NRXN3: variants seen among roughly 807,000 people sequenced by gnomAD.
The protein encoded by NRXN3 is neurexin III.
Under a neutral mutation model 137.6 loss-of-function variants are expected in NRXN3, and 32 were observed. The ratio of observed to expected loss-of-function variants is 0.23; its 90% CI spans 0.18 to 0.31. NRXN3 has a LOEUF of 0.31. Ranked by LOEUF, NRXN3 falls within the 10% of genes least tolerant of loss-of-function variation. The probability of loss-of-function intolerance (pLI) is 1.00; values close to 1 mark genes in which losing one functional copy is unlikely to be tolerated. For synonymous variants in NRXN3, 798 were observed against 784.5 expected, an observed-to-expected ratio of 1.02 and a Z score of -0.29; for missense variants, 1,574 against 2,062.5, an observed-to-expected ratio of 0.76 and a Z score of 4.59.
At chr14:79,440,910 A>T (rs2153568762) in intron 15 of NRXN3, among the ~76,000 whole-genome samples, 1 of 152,326 alleles carries the variant, frequency 6.6e-6, no homozygotes, top group Admixed American at 6.5e-5. Context: ...ATAGGTTGCT[A>T]GATCCATATG....
chr14:78,747,172 C>T (rs74066430), intron 8 of NRXN3, among the ~76,000 whole-genome samples: 6,770 of 152,228 alleles, frequency 0.044, 357 homozygotes, highest in African/African-American at 0.13. Context: ...TCTGCCACAC[C>T]TCTCTGGCCA....
At chr14:78,312,729 G>T (rs1220262640) in intron 4 of NRXN3, among the ~76,000 whole-genome samples, 2 of 152,120 alleles carry the variant, frequency 1.3e-5, no homozygotes, top group Non-Finnish European at 2.9e-5. Context: ...CTTGGGGGAT[G>T]TTGATGGGTG....
chr14:78,940,336 A>C (rs1035947704), intron 10 of NRXN3, among the ~76,000 whole-genome samples: 5 of 152,170 alleles, frequency 3.3e-5, no homozygotes, highest in Non-Finnish European at 7.3e-5. Context: ...ACTCAGACCC[A>C]AATGTGCATG....
intron 6 of NRXN3, among the ~76,000 whole-genome samples, chr14:78,704,674 C>G (rs1284860329): frequency 6.6e-6 from 1 of 152,098 alleles, no homozygotes; most frequent in Non-Finnish European, 1.5e-5. Context: ...CCAGTGCAGT[C>G]AGAGAGATAA....
At chr14:78,951,374 C>G (rs2099386777) in intron 10 of NRXN3, among the ~76,000 whole-genome samples, 1 of 152,088 alleles carries the variant, frequency 6.6e-6, no homozygotes, top group South Asian at 2.1e-4. Flanking sequence ...ATGATTGGCT[C>G]CTTCCTAAAT....
At chr14:78,589,075 T>G (rs1728086026) in intron 4 of NRXN3, among the ~76,000 whole-genome samples, 1 of 152,198 alleles carries the variant, frequency 6.6e-6, no homozygotes, top group African/African-American at 2.4e-5. Context: ...GCCAAGTGTT[T>G]AGACAACATG....
intron 8 of NRXN3, among the ~76,000 whole-genome samples, chr14:78,757,088 G>A (rs117745062): frequency 6.6e-6 from 1 of 152,052 alleles, no homozygotes; most frequent in African/African-American, 2.4e-5. Flanking sequence ...AAGACTGATG[G>A]TTCAGATTTT....
At chr14:78,357,569 T>C (rs1028989960) in intron 4 of NRXN3, among the ~76,000 whole-genome samples, 3 of 152,170 alleles carry the variant, frequency 2.0e-5, no homozygotes, top group Non-Finnish European at 1.5e-5. Flanking sequence ...AAGTTGGACG[T>C]TTTTTCTAAA....
At chr14:78,293,528 T>C (rs1343657814) in intron 3 of NRXN3, among the ~76,000 whole-genome samples, 2 of 152,188 alleles carry the variant, frequency 1.3e-5, no homozygotes, top group African/African-American at 4.8e-5. Flanking sequence ...CTAAAGGATC[T>C]CATCCATCAC....
chr14:78,306,178 G>T (rs2077352748), intron 4 of NRXN3, among the ~76,000 whole-genome samples: 2 of 152,074 alleles, frequency 1.3e-5, no homozygotes, highest in Admixed American at 6.6e-5. Flanking sequence ...ATACATAAAA[G>T]AAATTATTTC....
At chr14:79,548,057 C>G (rs1230320611) in intron 16 of NRXN3, among the ~76,000 whole-genome samples, 1 of 151,762 alleles carries the variant, frequency 6.6e-6, no homozygotes, top group Non-Finnish European at 1.5e-5. Flanking sequence ...TATTATTATA[C>G]TTTAAGTTCT....
intron 19 of NRXN3, among the ~76,000 whole-genome samples, chr14:79,802,378 TA>T (rs773384823): frequency 1.1e-4 from 17 of 152,168 alleles, no homozygotes; most frequent in Non-Finnish European, 2.5e-4. Context: ...GCCTCTTTAT[TA>T]CCACCATCCT....
chr14:78,591,266 T>C (rs567242596), intron 4 of NRXN3, among the ~76,000 whole-genome samples: 13 of 152,320 alleles, frequency 8.5e-5, no homozygotes, highest in African/African-American at 3.1e-4. Flanking sequence ...GGTAGAGCAA[T>C]GCTCCTTCAA....
chr14:79,103,098 A>T (rs933439761), intron 15 of NRXN3, among the ~76,000 whole-genome samples: 1 of 152,188 alleles, frequency 6.6e-6, no homozygotes, highest in East Asian at 1.9e-4. Flanking sequence ...ATAAGTCCCA[A>T]GCCCCTGTTC....
At chr14:78,507,830 A>T (rs1306561831) in intron 4 of NRXN3, among the ~76,000 whole-genome samples, 2 of 152,136 alleles carry the variant, frequency 1.3e-5, no homozygotes, top group Non-Finnish European at 2.9e-5. Context: ...AGTTTCTCTG[A>T]GTTGTTACAA....
intron 4 of NRXN3, among the ~76,000 whole-genome samples, chr14:78,565,749 C>T (rs2096830345): frequency 6.6e-6 from 1 of 152,162 alleles, no homozygotes; most frequent in African/African-American, 2.4e-5. Flanking sequence ...CTGCATGTAG[C>T]CCTGCACTAT....
intron 4 of NRXN3, among the ~76,000 whole-genome samples, chr14:78,594,050 A>G (rs2097139447): frequency 6.6e-6 from 1 of 152,128 alleles, no homozygotes; most frequent in South Asian, 2.1e-4. Flanking sequence ...TGCCCTCGGC[A>G]CGCAACAAGC....
intron 17 of NRXN3, among the ~76,000 whole-genome samples, chr14:79,679,950 G>T (rs931849720): frequency 1.3e-5 from 2 of 152,134 alleles, no homozygotes; most frequent in Admixed American, 1.3e-4. Flanking sequence ...GCATTTAGCA[G>T]TGCTAGTTGT....
chr14:79,011,824 G>T (rs1218375496), intron 15 of NRXN3, among the ~76,000 whole-genome samples: 4 of 152,144 alleles, frequency 2.6e-5, no homozygotes, highest in African/African-American at 9.7e-5. Context: ...CTTAACATCA[G>T]TGTGGACAAA....
Sources: gnomAD v4.1 joint callset for allele counts (sites outside exome capture counted in the v4.1 genomes callset) on GRCh38, gnomAD v4.1.1 for gene constraint, MANE v1.5 for transcripts, NCBI Gene and HGNC (gene_info 2026-07-23, HGNC 2026-07-21) for gene names.